Variants in FYB1 observed in about 807,000 individuals in gnomAD.
FYB1 encodes the protein FYN binding protein 1, also known as FYN-binding protein 1.
Under a neutral mutation model 94.1 loss-of-function variants are expected in FYB1, and 41 were observed. That is an observed-to-expected ratio of 0.44 (90% CI 0.34 to 0.57). The LOEUF is 0.57. FYB1 is among the 20% of genes least tolerant of loss of function. The probability of loss-of-function intolerance (pLI) is 0.02; values close to 1 mark genes in which losing one functional copy is unlikely to be tolerated. For missense variants in FYB1, 1,050 were observed against 976.8 expected (o/e 1.07, Z -1.00); for synonymous variants, 367 against 353.2 (o/e 1.04, Z -0.44).
chr5:39,153,973 A>G (rs766593604), intron 2 of FYB1, among the ~76,000 whole-genome samples: 2 of 152,056 alleles, frequency 1.3e-5, no homozygotes, highest in Non-Finnish European at 2.9e-5. Context: ...TTTTGTAGAG[A>G]TGAAGTCTTG....
At chr5:39,265,977 T>A (rs1456374502) in intron 1 of FYB1, among the ~76,000 whole-genome samples, 1 of 144,974 alleles carries the variant, frequency 6.9e-6, no homozygotes, top group African/African-American at 2.6e-5. Flanking sequence ...CAATTTTTAC[T>A]GTTTTTTTTT....
At chr5:39,166,031 A>G (rs529547955) in intron 2 of FYB1, among the ~76,000 whole-genome samples, 1 of 152,334 alleles carries the variant, frequency 6.6e-6, no homozygotes, top group African/African-American at 2.4e-5. Context: ...GTTGGTGGGA[A>G]TGTATATAAA....
intron 2 of FYB1, chr5:39,170,378 C>T: frequency 2.6e-6 from 2 of 776,934 alleles, no homozygotes; most frequent in Non-Finnish European, 2.0e-6. Context: ...GGACTCTGGG[C>T]CAGCTGCACC....
chr5:39,128,900 A>G (rs1740922175), intron 10 of FYB1, among the ~76,000 whole-genome samples: 2 of 152,146 alleles, frequency 1.3e-5, no homozygotes, highest in African/African-American at 4.8e-5. Context: ...GGACCATATT[A>G]CCCAAAGCAA....
chr5:39,269,454 G>A (rs769168231), intron 1 of FYB1, among the ~76,000 whole-genome samples: 1 of 152,246 alleles, frequency 6.6e-6, no homozygotes, highest in East Asian at 1.9e-4. Context: ...GTCTTCTACA[G>A]GTGTTGCCGC....
chr5:39,115,249 C>G (rs1411249666), intron 16 of FYB1, among the ~76,000 whole-genome samples: 1 of 152,084 alleles, frequency 6.6e-6, no homozygotes, highest in Admixed American at 6.6e-5. Context: ...CATGTGCCAA[C>G]ATACCTAGCT....
intron 1 of FYB1, among the ~76,000 whole-genome samples, chr5:39,263,167 A>G (rs1052821701): frequency 1.5e-4 from 22 of 151,510 alleles, no homozygotes; most frequent in African/African-American, 5.3e-4. Context: ...TGGGGAAGTG[A>G]TATTGAAGTT....
intron 2 of FYB1, among the ~76,000 whole-genome samples, chr5:39,185,281 T>G (rs1459850344): frequency 5.3e-5 from 8 of 152,130 alleles, no homozygotes; most frequent in Non-Finnish European, 8.8e-5. Context: ...TACCTGAGGA[T>G]GATTGAATTT....
At chr5:39,134,785 G>C in intron 8 of FYB1, 70 bp downstream of exon 8, 12 of 1,534,660 alleles carry the variant, frequency 7.8e-6, no homozygotes, top group Non-Finnish European at 1.1e-5. Flanking sequence ...ACGAGTTCTG[G>C]AGGAATATGT....
At chr5:39,230,628 G>T (rs1750683025) in intron 1 of FYB1, among the ~76,000 whole-genome samples, 1 of 151,924 alleles carries the variant, frequency 6.6e-6, no homozygotes, top group Non-Finnish European at 1.5e-5. Flanking sequence ...CTTCTCTTCT[G>T]TCTTAAACAT....
chr5:39,114,656 A>G (rs1183373093), intron 16 of FYB1, among the ~76,000 whole-genome samples: 2 of 152,216 alleles, frequency 1.3e-5, no homozygotes, highest in Non-Finnish European at 2.9e-5. Context: ...CAAGCTAACT[A>G]CATCACTAAA....
Position 39,118,946 on chromosome 5 carries a change from G to A in FYB1, c.2329C>T (p.Pro777Ser). Reference protein sequence around the residue: ...KWGTRDLQVKPGESLEVIQTT... With the variant: ...KWGTRDLQVKSGESLEVIQTT... ...TGTATAACTTCTAGAGATTCACCAG[G>A]TTTTACCTGTAGATCTCTGGTTCCC... is the stretch of plus-strand genomic sequence containing the variant. Residue 777 changes from proline to serine, a missense_variant, in exon 16 of 19, where the codon CCT becomes TCT. Physicochemically the swap from Pro to Ser is moderately conservative, Grantham distance 74. Coordinates refer to ENST00000512982, the MANE Select transcript of FYB1 (RefSeq NM_001465.6). 1 of 1,573,350 alleles carries A rather than the reference G, an allele frequency of 6.4e-7. No homozygotes were observed. Among genetic ancestry groups the A allele is most frequent in the Non-Finnish European group, 8.7e-7 (1 of 1,154,384 alleles).
chr5:39,116,583 C>A (rs1739591339), intron 16 of FYB1, among the ~76,000 whole-genome samples: 1 of 152,092 alleles, frequency 6.6e-6, no homozygotes, highest in Non-Finnish European at 1.5e-5. Flanking sequence ...TGCAGTTATT[C>A]TGAATGGCTA....
intron 2 of FYB1, among the ~76,000 whole-genome samples, chr5:39,180,700 C>T (rs1300480842): frequency 6.6e-6 from 1 of 152,158 alleles, no homozygotes; most frequent in East Asian, 1.9e-4. Flanking sequence ...GTATTTCCCA[C>T]TAAATGCTGG....
chr5:39,270,551 A>T, intron 1 of FYB1: 1 of 1,534,352 alleles, frequency 6.5e-7, no homozygotes, highest in Non-Finnish European at 8.7e-7. Flanking sequence ...AAGGAGAGTT[A>T]TAAAATCTAT....
At chr5:39,132,525 A>G (rs1195521425) in intron 9 of FYB1, among the ~76,000 whole-genome samples, 1 of 152,170 alleles carries the variant, frequency 6.6e-6, no homozygotes, top group East Asian at 1.9e-4. Context: ...TCCTGCTTTT[A>G]CTAAATATAA....
chr5:39,216,900 AATTT>A (rs1396197218), intron 1 of FYB1, among the ~76,000 whole-genome samples: 1 of 152,210 alleles, frequency 6.6e-6, no homozygotes, highest in Non-Finnish European at 1.5e-5. Context: ...TTATGTATTG[AATTT>A]ATATAGCTAA....
Position 39,196,448 on chromosome 5 carries a change from G to A in FYB1, c.1135+5378C>T, listed in dbSNP as rs540541003. Among the ~76,000 whole-genome samples, 12 of 152,222 alleles carry A rather than the reference G, an allele frequency of 7.9e-5. No homozygotes were observed. The East Asian group carries it at 2.3e-3, about 29-fold the overall frequency. ...GATCTCAGGTGTTCAGCCCGCCTCG[G>A]CCTCCCAAAGTGCTGGGATTACAGG... On this transcript the variant is annotated intron_variant, in intron 2 of 18. Coordinates refer to ENST00000512982, the MANE Select transcript of FYB1 (RefSeq NM_001465.6).
At chr5:39,246,653 G>A (rs1751489176) in intron 1 of FYB1, among the ~76,000 whole-genome samples, 1 of 152,134 alleles carries the variant, frequency 6.6e-6, no homozygotes, top group African/African-American at 2.4e-5. Context: ...GTGGAAGAGT[G>A]AAAATTAAAA....
Sources: gnomAD v4.1 joint callset for allele counts (sites outside exome capture counted in the v4.1 genomes callset) on GRCh38, gnomAD v4.1.1 for gene constraint, MANE v1.5 for transcripts, NCBI Gene and HGNC (gene_info 2026-07-23, HGNC 2026-07-21) for gene names.